The following WDPCP variants were observed in gnomAD, a reference collection of about 807,000 sequenced individuals.
The protein encoded by WDPCP is WD repeat containing planar cell polarity effector.
WDPCP carries 71 observed loss-of-function variants against 93.1 expected under a neutral mutation model. That is an observed-to-expected ratio of 0.76 (90% CI 0.63 to 0.93). WDPCP has a LOEUF of 0.93. WDPCP is among the 40% of genes least tolerant of loss of function. The pLI, the probability that WDPCP is intolerant of heterozygous loss-of-function variation, is 0.00. For missense variants in WDPCP, 844 were observed against 887.4 expected (o/e 0.95, Z 0.62); for synonymous variants, 315 against 315.0 (o/e 1.00, Z 0.00).
intron 13 of WDPCP, among the ~76,000 whole-genome samples, chr2:63,279,588 T>C (rs1683358233): frequency 6.6e-6 from 1 of 152,138 alleles, no homozygotes; most frequent in Admixed American, 6.5e-5. Context: ...CTATTCAACA[T>C]ATTACTGGAA....
At chr2:63,762,846 G>A (rs146543252) in intron 2 of WDPCP, among the ~76,000 whole-genome samples, 245 of 152,232 alleles carry the variant, frequency 1.6e-3, no homozygotes, top group African/African-American at 5.4e-3. Flanking sequence ...TGCGGATTAA[G>A]TTTCAACATG....
intron 14 of WDPCP, among the ~76,000 whole-genome samples, chr2:63,249,532 T>C (rs1451612290): frequency 6.6e-6 from 1 of 152,186 alleles, no homozygotes; most frequent in African/African-American, 2.4e-5. Context: ...ATATAACCCC[T>C]CATGAGAATG....
At chr2:63,616,625 G>A (rs1240521223) in intron 3 of WDPCP, among the ~76,000 whole-genome samples, 1 of 152,214 alleles carries the variant, frequency 6.6e-6, no homozygotes, top group South Asian at 2.1e-4. Context: ...TTGATTAGTG[G>A]ACAACTTTGC....
chr2:63,144,182 G>C (rs1441615213), intron 17 of WDPCP, among the ~76,000 whole-genome samples: 3 of 152,042 alleles, frequency 2.0e-5, no homozygotes, highest in Admixed American at 2.0e-4. Flanking sequence ...TTAGTTCAAA[G>C]ACCTTGTTTT....
At chr2:63,790,510 G>A (rs985908553) in intron 2 of WDPCP, among the ~76,000 whole-genome samples, 7 of 152,190 alleles carry the variant, frequency 4.6e-5, no homozygotes, top group African/African-American at 1.7e-4. Context: ...GGTAGTCAGA[G>A]TTGGCCTGGC....
intron 2 of WDPCP, among the ~76,000 whole-genome samples, chr2:63,776,083 A>ATACG (rs1670298553): frequency 1.1e-5 from 1 of 91,760 alleles, no homozygotes. Context: ...ATATACATAC[A>ATACG]TACATACATA....
intron 2 of WDPCP, among the ~76,000 whole-genome samples, chr2:63,783,592 T>TA (rs938472716): frequency 6.6e-6 from 1 of 152,010 alleles, no homozygotes; most frequent in Non-Finnish European, 1.5e-5. Context: ...TATTCAGCCA[T>TA]AAAAAAGAAT....
chr2:63,447,167 T>C (rs1697920913), intron 6 of WDPCP, among the ~76,000 whole-genome samples: 1 of 152,046 alleles, frequency 6.6e-6, no homozygotes, highest in Admixed American at 6.5e-5. Flanking sequence ...TCTGTTTTAC[T>C]AGGAAAAAAA....
intron 14 of WDPCP, among the ~76,000 whole-genome samples, chr2:63,203,394 T>C (rs1198753398): frequency 6.6e-6 from 1 of 152,208 alleles, no homozygotes; most frequent in Non-Finnish European, 1.5e-5. Context: ...TGCTGTCAAA[T>C]ACTATGTCTT....
chr2:63,643,856 ATCT>A (rs1271308532), intron 3 of WDPCP: 3 of 540,556 alleles, frequency 5.5e-6, no homozygotes, highest in South Asian at 1.4e-5. Context: ...CTGCATGCAA[ATCT>A]TCTTTACTTC....
chr2:63,252,703 G>A (rs1233403008), intron 14 of WDPCP, among the ~76,000 whole-genome samples: 2 of 151,926 alleles, frequency 1.3e-5, no homozygotes, highest in African/African-American at 4.8e-5. Flanking sequence ...AAAATACATA[G>A]GAATACACCT....
At position 63,811,728 on chromosome 2, in the gene WDPCP, C is replaced by T. The variant is rs905693644; in HGVS notation, n.308+1894G>A. ...TCACTCGGGTACTGAGCATAGTACC[C>T]AATAGGCAGTTTTCCATTCCTTGTA... On this transcript the variant is annotated intron_variant and non_coding_transcript_variant, in intron 2 of 4. Coordinates refer to the WDPCP transcript ENST00000467687. Among the ~76,000 whole-genome samples the T allele has an allele frequency of 1.3e-4, 20 of 151,978 alleles. 1 individual carries two copies. Among genetic ancestry groups the T allele is most frequent in the African/African-American group, 4.3e-4 (18 of 41,436 alleles).
chr2:63,360,491 CA>C (rs1304534116), intron 12 of WDPCP, among the ~76,000 whole-genome samples: 9 of 152,116 alleles, frequency 5.9e-5, no homozygotes, highest in African/African-American at 1.4e-4. Context: ...TACCTTATGC[CA>C]AACATAGGTT....
chr2:63,534,916 AAAT>A (rs1344682314), intron 1 of WDPCP, among the ~76,000 whole-genome samples: 1 of 152,228 alleles, frequency 6.6e-6, no homozygotes, highest in Non-Finnish European at 1.5e-5. Flanking sequence ...AGAGGAAGTC[AAAT>A]TGTTCCTGTT....
intron 17 of WDPCP, among the ~76,000 whole-genome samples, chr2:63,137,508 T>A (rs1670712321): frequency 6.6e-6 from 1 of 152,168 alleles, no homozygotes; most frequent in Admixed American, 6.5e-5. Context: ...GTTATCTGTT[T>A]ACTCTGTTGA....
chr2:63,789,622 T>C (rs186797077), intron 2 of WDPCP, among the ~76,000 whole-genome samples: 3 of 152,280 alleles, frequency 2.0e-5, no homozygotes, highest in East Asian at 1.9e-4. Flanking sequence ...GCAGAGAAAA[T>C]GAGGCCGAAG....
intron 10 of WDPCP, among the ~76,000 whole-genome samples, chr2:63,386,311 A>G (rs1050328483): frequency 7.2e-5 from 11 of 152,256 alleles, no homozygotes; most frequent in Middle Eastern, 3.4e-3. Context: ...CAAGTATCTT[A>G]CAAAGGCCTT....
At chr2:63,516,789 T>C (rs1439996489) in intron 1 of WDPCP, among the ~76,000 whole-genome samples, 2 of 152,108 alleles carry the variant, frequency 1.3e-5, no homozygotes, top group East Asian at 1.9e-4. Flanking sequence ...AAAGTTCTGA[T>C]ATTCTTTTCT....
chr2:63,680,161 A>T (rs981236047), intron 2 of WDPCP, among the ~76,000 whole-genome samples: 9 of 152,258 alleles, frequency 5.9e-5, no homozygotes, highest in African/African-American at 2.2e-4. Context: ...CCCAAGAGGA[A>T]CACCAAATTG....
Sources: gnomAD v4.1 joint callset for allele counts (sites outside exome capture counted in the v4.1 genomes callset) on GRCh38, gnomAD v4.1.1 for gene constraint, MANE v1.5 for transcripts, NCBI Gene and HGNC (gene_info 2026-07-23, HGNC 2026-07-21) for gene names.